The following SLC8A1 variants were observed in gnomAD, a reference collection of about 807,000 sequenced individuals.
SLC8A1 encodes the protein solute carrier family 8 member A1.
SLC8A1 carries 18 observed loss-of-function variants against 68.3 expected under a neutral mutation model. The observed-to-expected ratio is 0.26, with a 90% CI of 0.18 to 0.39. SLC8A1 has a LOEUF of 0.39. Ranked by LOEUF, SLC8A1 falls within the 10% of genes least tolerant of loss-of-function variation. The pLI is 1.00. For synonymous variants in SLC8A1, 475 were observed against 415.5 expected (o/e 1.14, Z -1.74); for missense variants, 985 against 1,156.7 (o/e 0.85, Z 2.15).
At chr2:40,224,584 A>C (rs384994) in intron 2 of SLC8A1, among the ~76,000 whole-genome samples, 21,520 of 152,086 alleles carry the variant, frequency 0.14, 1,881 homozygotes, top group African/African-American at 0.23. Flanking sequence ...AATGAAAAAA[A>C]TACATAATTG....
rs3060361 is a variant in SLC8A1 at position 40,401,567 on chromosome 2, C to CAAAA, written c.1808+26902_1808+26905dup. ...ACTAGTTTTGAATTAATAGGCCAGT[C>CAAAA]AAAAAAAAAAAAAAAAAAAAAAAGA... On this transcript the variant is annotated intron_variant, in intron 2 of 7. Transcript: ENST00000406785. Among the ~76,000 whole-genome samples the CAAAA allele has an allele frequency of 5.4e-3, 507 of 93,770 alleles. 1 individual carries two copies. The highest frequency in any genetic ancestry group is 0.01 in the Middle Eastern group (1 of 96). 61.5% of individuals were successfully genotyped at this position (93,770 alleles called of 152,430 possible).
chr2:40,194,694 G>A (rs2052613924), intron 2 of SLC8A1, among the ~76,000 whole-genome samples: 1 of 152,066 alleles, frequency 6.6e-6, no homozygotes, highest in African/African-American at 2.4e-5. Flanking sequence ...TAAGCAGATA[G>A]GAGCAGTGAG....
intron 1 of SLC8A1, among the ~76,000 whole-genome samples, chr2:40,464,214 T>C (rs935098704): frequency 1.3e-5 from 2 of 152,128 alleles, no homozygotes; most frequent in Admixed American, 6.6e-5. Context: ...TACATACAAA[T>C]ATATTTCGGG....
At chr2:40,426,277 T>C (rs563011473) in intron 2 of SLC8A1, among the ~76,000 whole-genome samples, 1 of 152,176 alleles carries the variant, frequency 6.6e-6, no homozygotes, top group South Asian at 2.1e-4. Context: ...AGCAAGAAAC[T>C]TGCGATTGAT....
At chr2:40,139,261 C>T in intron 7 of SLC8A1, 140 bp downstream of exon 10, 1 of 937,238 alleles carries the variant, frequency 1.1e-6, no homozygotes, top group African/African-American at 1.7e-5. Flanking sequence ...CCGGCAGTAA[C>T]ATTTATTTAT....
At chr2:40,505,366 G>C (rs1052210760) in intron 1 of SLC8A1, among the ~76,000 whole-genome samples, 5 of 151,808 alleles carry the variant, frequency 3.3e-5, no homozygotes, top group African/African-American at 1.2e-4. Context: ...ATAACTCAAA[G>C]GATAGATGCT....
At chr2:40,177,065 TTAA>T (rs2048607171) in intron 3 of SLC8A1, among the ~76,000 whole-genome samples, 5 of 152,220 alleles carry the variant, frequency 3.3e-5, no homozygotes, top group African/African-American at 1.2e-4. Flanking sequence ...TTTATATGTG[TTAA>T]TAATTTACTA....
chr2:40,506,833 A>G (rs1706401106), intron 1 of SLC8A1, among the ~76,000 whole-genome samples: 3 of 152,030 alleles, frequency 2.0e-5, no homozygotes, highest in African/African-American at 7.2e-5. Flanking sequence ...TGTGTGGTAG[A>G]GTGAAAATAG....
In SLC8A1 at chr2:40,140,028, C is replaced by G. The variant is rs185022253; in HGVS notation, c.2162-352G>C. On this transcript the variant is annotated intron_variant, in intron 6 of 7. Transcript: ENST00000406785. ...AAAGGCTGGCAAGCCCTGTGTCAGC[C>G]TGAGAAATAACCCTCTTTTGAAGAA... Among the ~76,000 whole-genome samples, 306 of 152,254 alleles carry G rather than the reference C, an allele frequency of 2.0e-3. 1 individual carries two copies. The highest frequency in any genetic ancestry group is 3.5e-3 in the Admixed American group (53 of 15,292).
intron 2 of SLC8A1, among the ~76,000 whole-genome samples, chr2:40,274,106 A>AAGAGTCTGG (rs2066400447): frequency 6.6e-6 from 1 of 150,656 alleles, no homozygotes; most frequent in Admixed American, 6.7e-5. Context: ...TCCTTGGCTG[A>AAGAGTCTGG]AGAGTCTGGA....
At chr2:40,439,946 C>G (rs1191725631) in intron 1 of SLC8A1, among the ~76,000 whole-genome samples, 1 of 152,140 alleles carries the variant, frequency 6.6e-6, no homozygotes, top group Non-Finnish European at 1.5e-5. Context: ...CACCAAGTGT[C>G]TATTTACATA....
chr2:40,220,799 A>C (rs935876840), intron 2 of SLC8A1, among the ~76,000 whole-genome samples: 1 of 152,114 alleles, frequency 6.6e-6, no homozygotes, highest in African/African-American at 2.4e-5. Context: ...GCAAGATTGT[A>C]ACAGATTCAG....
At chr2:40,168,463 A>C (rs1000746121) in intron 4 of SLC8A1, among the ~76,000 whole-genome samples, 1 of 152,168 alleles carries the variant, frequency 6.6e-6, no homozygotes, top group Admixed American at 6.5e-5. Flanking sequence ...ACTTTTATTT[A>C]TATGTAACTG....
chr2:40,394,917 G>T (rs1686448512), intron 2 of SLC8A1, among the ~76,000 whole-genome samples: 1 of 152,052 alleles, frequency 6.6e-6, no homozygotes, highest in South Asian at 2.1e-4. Context: ...TCCCAGAGAG[G>T]AAATGAGACA....
chr2:40,291,868 T>A (rs1046395540), intron 2 of SLC8A1, among the ~76,000 whole-genome samples: 1 of 151,900 alleles, frequency 6.6e-6, no homozygotes, highest in African/African-American at 2.4e-5. Context: ...TCATATTCAG[T>A]CACAACACCC....
intron 2 of SLC8A1, among the ~76,000 whole-genome samples, chr2:40,219,671 T>C (rs941830308): frequency 6.6e-5 from 10 of 152,204 alleles, no homozygotes; most frequent in Admixed American, 6.5e-4. Context: ...TTCTAATAAG[T>C]TGTTAGCCAA....
chr2:40,481,227 G>A (rs980174454), intron 1 of SLC8A1, among the ~76,000 whole-genome samples: 2 of 152,122 alleles, frequency 1.3e-5, no homozygotes, highest in African/African-American at 4.8e-5. Flanking sequence ...ATATAAAAAA[G>A]GTGATTAATT....
intron 2 of SLC8A1, among the ~76,000 whole-genome samples, chr2:40,332,247 C>T (rs2076490803): frequency 6.6e-6 from 1 of 152,138 alleles, no homozygotes; most frequent in Non-Finnish European, 1.5e-5. Flanking sequence ...CTTTACAGCA[C>T]CACATGCAAT....
chr2:40,224,285 G>A (rs189469877), intron 2 of SLC8A1, among the ~76,000 whole-genome samples: 1 of 152,040 alleles, frequency 6.6e-6, no homozygotes, highest in East Asian at 1.9e-4. Flanking sequence ...CGATTAAAAG[G>A]CTTCAGGAGG....
Sources: allele counts gnomAD v4.1 joint callset (sites outside exome capture counted in the v4.1 genomes callset), GRCh38; gene constraint gnomAD v4.1.1; transcripts MANE v1.5; gene names NCBI Gene and HGNC (gene_info 2026-07-23, HGNC 2026-07-21).